Variants in GALNT6 observed in about 807,000 individuals in gnomAD.
The protein encoded by GALNT6 is GalNAc transferase 6.
In GALNT6, 51 loss-of-function variants were observed where a neutral mutation model predicts 65.9. That is an observed-to-expected ratio of 0.77 (90% confidence interval 0.62 to 0.98). The LOEUF (loss-of-function observed/expected upper bound fraction) is 0.98, where lower values mean the gene tolerates loss of function less well. GALNT6 is among the 50% of genes least tolerant of loss of function. GALNT6 has a pLI of 0.00. For synonymous variants in GALNT6, 323 were observed against 315.1 expected (o/e 1.02, Z -0.26); for missense variants, 708 against 803.3 (o/e 0.88, Z 1.43).
In GALNT6 at chr12:51,351,663, G is replaced by T. The variant is rs114911725; in HGVS notation, c.*2716C>A. 6.6e-6 allele frequency: 1 copy of T among 152,290 alleles called. No homozygotes were observed. Among genetic ancestry groups the T allele is most frequent in the African/African-American group, 2.4e-5 (1 of 41,568 alleles). 9.4% of individuals were successfully genotyped at this position (152,290 alleles called of 1,614,324 possible). A position where few individuals can be genotyped will look rare whatever the true frequency, so the allele number is the denominator to read the frequency against. On this transcript the variant is annotated 3_prime_UTR_variant, in exon 12 of 12. Transcript: ENST00000356317. Reference sequence around the variant, plus strand: ...TTGCTATGATTTGCTTACATTTAGCGTGTGAGTTCCACGGGGACAGGACCT... The same window carrying T: ...TTGCTATGATTTGCTTACATTTAGCTTGTGAGTTCCACGGGGACAGGACCT...
intron 5 of GALNT6, 129 bp downstream of exon 5, chr12:51,365,301 G>A: frequency 2.5e-6 from 2 of 802,120 alleles, no homozygotes; most frequent in Non-Finnish European, 3.8e-6. Context: ...GGCACCTGGA[G>A]TGGGTCCCAA....
At chr12:51,390,219 A>G (rs1219488300) in intron 2 of GALNT6, among the ~76,000 whole-genome samples, 6 of 135,846 alleles carry the variant, frequency 4.4e-5, no homozygotes, top group Admixed American at 8.4e-5. Flanking sequence ...CTGGAATGCA[A>G]TGGTGCGATC....
chr12:51,379,214 A>G, intron 3 of GALNT6, 77 bp downstream of exon 3: 1 of 1,411,964 alleles, frequency 7.1e-7, no homozygotes. Context: ...CTGGCCCTTG[A>G]TCTATGGCCC....
intron 4 of GALNT6, among the ~76,000 whole-genome samples, chr12:51,375,468 C>T (rs1346562044): frequency 6.6e-6 from 1 of 152,166 alleles, no homozygotes; most frequent in Admixed American, 6.5e-5. Context: ...GCTTGTGACA[C>T]TCTTACTTGA....
At chr12:51,385,600 C>T (rs1188089508) in intron 2 of GALNT6, among the ~76,000 whole-genome samples, 2 of 152,112 alleles carry the variant, frequency 1.3e-5, no homozygotes, top group African/African-American at 4.8e-5. Flanking sequence ...TGACACAGTC[C>T]AAACCCCACA....
chr12:51,363,887 C>T (rs1025029351), intron 6 of GALNT6, among the ~76,000 whole-genome samples: 2 of 152,218 alleles, frequency 1.3e-5, no homozygotes, highest in Admixed American at 6.5e-5. Flanking sequence ...CCAGACAGTC[C>T]GGGAAGTGTG....
intron 2 of GALNT6, among the ~76,000 whole-genome samples, chr12:51,381,905 ATGT>A (rs1947685461): frequency 6.6e-6 from 1 of 152,244 alleles, no homozygotes; most frequent in Admixed American, 6.5e-5. Flanking sequence ...TACTCCCTGC[ATGT>A]TTTGCTTAAA....
intron 5 of GALNT6, among the ~76,000 whole-genome samples, chr12:51,364,977 AC>A (rs750235326): frequency 1.3e-5 from 2 of 152,078 alleles, no homozygotes; most frequent in Non-Finnish European, 1.5e-5. Flanking sequence ...AATATATATC[AC>A]CACTCCTAGG....
At chr12:51,377,598 A>C (rs1278406971) in intron 3 of GALNT6, among the ~76,000 whole-genome samples, 1 of 151,878 alleles carries the variant, frequency 6.6e-6, no homozygotes, top group Non-Finnish European at 1.5e-5. Context: ...ATCCATCCCC[A>C]CAGAGCTGGC....
At chr12:51,383,163 G>C (rs1947726197) in intron 2 of GALNT6, among the ~76,000 whole-genome samples, 1 of 152,150 alleles carries the variant, frequency 6.6e-6, no homozygotes, top group African/African-American at 2.4e-5. Context: ...GGAGGAAATG[G>C]GGATTCAGTG....
rs77776360 is a variant in GALNT6, at chr12:51,354,384, C to A, written c.1864G>T (p.Val622Phe). The A allele has an allele frequency of 1.3e-6, 2 of 1,543,706 alleles. No individual in the cohort carries two copies. Among genetic ancestry groups the A allele is most frequent in the South Asian group, 2.4e-5 (2 of 82,254 alleles). Residue 622 changes from valine to phenylalanine, a missense_variant, in exon 12 of 12, where the codon GTC becomes TTC. Physicochemically the swap from Val to Phe is conservative, Grantham distance 50 (BLOSUM62 -1). Coordinates refer to ENST00000356317, the MANE Select transcript of GALNT6 (RefSeq NM_007210.4). ...CTCTGGGGATGATCTGGGTCCTAGA[C>A]AAAGAGCCACAACTGATGGGGGTCA... Reference protein sequence around the residue: ...PSDPHQLWLFV With the variant: ...PSDPHQLWLFF
In GALNT6 at chr12:51,379,585, T is replaced by C. The variant is rs988299033; in HGVS notation, c.197A>G (p.Asp66Gly). The change falls in exon 3 of 12, where the codon GAT becomes GGT. Residue 66 changes from aspartate to glycine, a missense_variant. Asp to Gly is a moderately conservative substitution (Grantham distance 94). Coordinates refer to ENST00000356317, the MANE Select transcript of GALNT6 (RefSeq NM_007210.4). Reference sequence around the variant, plus strand: ...CCTGATTTGGAGCTTGGGCATTGAATCTCTAAGGTTGTTCATGGCCTCCAG... The same window carrying C: ...CCTGATTTGGAGCTTGGGCATTGAACCTCTAAGGTTGTTCATGGCCTCCAG... Reference protein sequence around the residue: ...LMLEAMNNLRDSMPKLQIRAP... With the variant: ...LMLEAMNNLRGSMPKLQIRAP... 1.9e-6 allele frequency: 3 copies of C among 1,613,932 alleles called. No individual in the cohort carries two copies. In the African/African-American group the frequency reaches 4.0e-5, roughly 22 times the overall value.
At position 51,354,353 on chromosome 12, in the gene GALNT6, G is replaced by A. The variant is rs1251597348; in HGVS notation, c.*26C>T. 1 of 1,227,762 alleles carries A rather than the reference G, an allele frequency of 8.1e-7. No homozygotes were observed. Among genetic ancestry groups the A allele is most frequent in the Non-Finnish European group, 1.1e-6 (1 of 877,600 alleles). The allele number at this position is 1,227,762 out of a possible 1,614,324, so 76.1% of individuals were successfully genotyped here. A position where few individuals can be genotyped will look rare whatever the true frequency, so the allele number is the denominator to read the frequency against. ...TCCTGTTTCCTGAGGAGCTTGTGGG[G>A]GCTCTCTCTGGGGATGATCTGGGTC... On this transcript the variant is annotated 3_prime_UTR_variant, in exon 12 of 12. Coordinates refer to ENST00000356317, the MANE Select transcript of GALNT6 (RefSeq NM_007210.4).
At chr12:51,375,409 C>CA (rs1314741837) in intron 4 of GALNT6, among the ~76,000 whole-genome samples, 1 of 152,190 alleles carries the variant, frequency 6.6e-6, no homozygotes, top group East Asian at 1.9e-4. Context: ...CTCCTGGCTA[C>CA]ATACTCCATG....
Position 51,359,276 on chromosome 12 carries a change from C to T in GALNT6, c.1224G>A (p.Val408=), listed in dbSNP as rs764740586. The part of the protein sequence containing the change: ...EIIPCSVVGH[V]FRTKSPHTFP... ...AGGTGTGGGGGCTCTTGGTCCGGAA[C>T]ACATGGCCTACGACAGAGCAGGGGA... Residue 408 remains valine, a synonymous_variant, in exon 8 of 12, where the codon GTG becomes GTA. Transcript: ENST00000356317. 3.6e-5 allele frequency: 58 copies of T among 1,614,002 alleles called. No homozygotes were observed. In the South Asian group the frequency reaches 5.9e-4, roughly 16 times the overall value.
At chr12:51,391,477 G>A (rs1565742785), upstream of GALNT6, 1 of 156,828 alleles carries the variant, frequency 6.4e-6, no homozygotes, top group Non-Finnish European at 1.4e-5. Flanking sequence ...GCGAAGGCTG[G>A]CGGAGGAGGA....
chr12:51,376,263 G>A (rs1040127582), intron 4 of GALNT6, among the ~76,000 whole-genome samples: 18 of 152,168 alleles, frequency 1.2e-4, no homozygotes, highest in Non-Finnish European at 2.5e-4. Context: ...TGAATTCCTA[G>A]GTGTTGGACT....
At chr12:51,384,399 A>G (rs1025892422) in intron 2 of GALNT6, among the ~76,000 whole-genome samples, 1 of 152,214 alleles carries the variant, frequency 6.6e-6, no homozygotes, top group African/African-American at 2.4e-5. Flanking sequence ...TTTCTTTAAA[A>G]GACCAGTTAG....
chr12:51,354,584 C>T (rs1946691771), intron 11 of GALNT6, 92 bp from the exon 12 acceptor site: 1 of 716,360 alleles, frequency 1.4e-6, no homozygotes, highest in East Asian at 3.0e-5. Flanking sequence ...TTGACAAAAG[C>T]CAAGGGAACC....
Sources: gnomAD v4.1 joint callset for allele counts (sites outside exome capture counted in the v4.1 genomes callset) on GRCh38, gnomAD v4.1.1 for gene constraint, MANE v1.5 for transcripts, NCBI Gene and HGNC (gene_info 2026-07-23, HGNC 2026-07-21) for gene names.